FTO: variants seen among roughly 807,000 people sequenced by gnomAD.
FTO encodes the protein FTO alpha-ketoglutarate dependent dioxygenase.
A neutral mutation model predicts 63.9 loss-of-function variants in FTO; 47 were observed. That is an observed-to-expected ratio of 0.74 (90% confidence interval 0.58 to 0.94). FTO has a LOEUF of 0.94. Among genes scored for constraint, FTO ranks in the 40% least tolerant of loss-of-function variants. The pLI is 0.00. For missense variants in FTO, 562 were observed against 618.1 expected (o/e 0.91, Z 0.96); for synonymous variants, 207 against 224.4 (o/e 0.92, Z 0.69).
At chr16:53,844,545 C>T (rs897878223) in intron 4 of FTO, among the ~76,000 whole-genome samples, 1 of 152,068 alleles carries the variant, frequency 6.6e-6, no homozygotes, top group Admixed American at 6.5e-5. Flanking sequence ...TTGCCGTTTC[C>T]ACCTCCTGGA....
Position 54,121,844 on chromosome 16 carries a change from A to G in FTO, c.*9929A>G, listed in dbSNP as rs1599393238. ...GCTTCATACTCTGTGCTTATTACCC[A>G]GAAGCCCCGGCTCTTAGAGTTTCTA... is the stretch of plus-strand genomic sequence containing the variant. On this transcript the variant is annotated 3_prime_UTR_variant, in exon 9 of 9. Transcript: ENST00000471389. 1 of 152,188 alleles carries G rather than the reference A, an allele frequency of 6.6e-6. No homozygotes were observed. Among genetic ancestry groups the G allele is most frequent in the African/African-American group, 2.4e-5 (1 of 41,440 alleles). The allele number at this position is 152,188 out of a possible 1,614,324, so 9.4% of individuals were successfully genotyped here.
intron 8 of FTO, among the ~76,000 whole-genome samples, chr16:54,009,411 C>A (rs12600130): frequency 2.0e-5 from 3 of 152,040 alleles, no homozygotes; most frequent in Non-Finnish European, 4.4e-5. Flanking sequence ...AAAACTATAC[C>A]TGAATTTAAA....
chr16:53,914,478 T>C (rs2081807440), intron 7 of FTO, among the ~76,000 whole-genome samples: 2 of 152,184 alleles, frequency 1.3e-5, no homozygotes, highest in Admixed American at 1.3e-4. Flanking sequence ...TAAAGAATTG[T>C]ACTCTCTAAA....
intron 1 of FTO, among the ~76,000 whole-genome samples, chr16:53,710,419 C>T (rs2151463351): frequency 6.6e-6 from 1 of 152,122 alleles, no homozygotes; most frequent in East Asian, 1.9e-4. Context: ...ACACGTGCCA[C>T]CACACCCAGC....
At chr16:53,773,571 G>A (rs1431717025) in intron 1 of FTO, among the ~76,000 whole-genome samples, 1 of 152,036 alleles carries the variant, frequency 6.6e-6, no homozygotes, top group Non-Finnish European at 1.5e-5. Context: ...CACTAACAGG[G>A]GTACTTACCA....
At chr16:53,890,012 C>T (rs2081107081) in intron 7 of FTO, among the ~76,000 whole-genome samples, 1 of 152,134 alleles carries the variant, frequency 6.6e-6, no homozygotes, top group Non-Finnish European at 1.5e-5. Context: ...TCCTCGAGGT[C>T]ACCCAGCTAA....
intron 3 of FTO, among the ~76,000 whole-genome samples, chr16:53,835,848 T>C (rs1943124641): frequency 1.3e-5 from 2 of 152,082 alleles, no homozygotes; most frequent in South Asian, 4.1e-4. Flanking sequence ...TGTTTTTTAG[T>C]CTAATATCTG....
At chr16:53,866,188 A>C (rs76182350) in intron 4 of FTO, among the ~76,000 whole-genome samples, 2,135 of 152,200 alleles carry the variant, frequency 0.014, 47 homozygotes, top group African/African-American at 0.048. Context: ...TTGGTGTGAT[A>C]GATTATATTA....
chr16:54,035,608 G>A (rs1261075721), intron 8 of FTO, among the ~76,000 whole-genome samples: 18 of 152,130 alleles, frequency 1.2e-4, no homozygotes, highest in Non-Finnish European at 1.9e-4. Context: ...GGTGTGTCAC[G>A]CTGAGACCCA....
chr16:53,718,602 A>G (rs562141715), intron 1 of FTO, among the ~76,000 whole-genome samples: 157 of 151,878 alleles, frequency 1.0e-3, no homozygotes, highest in Non-Finnish European at 1.9e-3. Flanking sequence ...ATACTTCGGG[A>G]TTCTAGTATT....
intron 8 of FTO, among the ~76,000 whole-genome samples, chr16:54,015,383 T>C (rs2084418589): frequency 6.6e-6 from 1 of 152,214 alleles, no homozygotes; most frequent in African/African-American, 2.4e-5. Flanking sequence ...TGTTTTCATT[T>C]GGTAACAATT....
chr16:53,981,843 G>T (rs1234425993), intron 8 of FTO: 1 of 152,266 alleles, frequency 6.6e-6, no homozygotes, highest in Non-Finnish European at 1.5e-5. Context: ...CCTGGGAGGC[G>T]GAGGTTGCAG....
intron 1 of FTO, among the ~76,000 whole-genome samples, chr16:53,765,242 T>TA (rs1304556290): frequency 6.6e-6 from 1 of 151,932 alleles, no homozygotes. Flanking sequence ...AATATTCTAT[T>TA]AGAGGAAGAA....
chr16:53,932,575 A>C (rs1197183034), intron 7 of FTO, among the ~76,000 whole-genome samples: 1 of 151,994 alleles, frequency 6.6e-6, no homozygotes, highest in African/African-American at 2.4e-5. Context: ...TTTTTAGTAG[A>C]GATGGGGTTT....
intron 8 of FTO, among the ~76,000 whole-genome samples, chr16:54,057,630 AT>A (rs1173193200): frequency 8.2e-4 from 119 of 145,954 alleles, no homozygotes; most frequent in South Asian, 2.4e-3. Flanking sequence ...CGCCTGGCTA[AT>A]TTTTTTTTTT....
At chr16:53,793,112 A>G (rs2077970746) in intron 1 of FTO, among the ~76,000 whole-genome samples, 1 of 152,198 alleles carries the variant, frequency 6.6e-6, no homozygotes, top group South Asian at 2.1e-4. Flanking sequence ...AAAAGGGTCA[A>G]AAGAAGTTAG....
rs573107543 is a variant in FTO at position 53,797,025 on chromosome 16, G to A, written c.46-13115G>A. Among the ~76,000 whole-genome samples, 3 of 152,202 alleles carry A rather than the reference G, an allele frequency of 2.0e-5. No homozygotes were observed. The East Asian group carries it at 5.8e-4, about 29-fold the overall frequency. ...GCATTTTCTCGAATTTTGCATAAAT[G>A]GAATCAATCAAACAGTATGTGCTTT... On this transcript the variant is annotated intron_variant, in intron 1 of 8. Transcript: ENST00000471389.
At chr16:54,059,446 G>C (rs775509746) in intron 8 of FTO, among the ~76,000 whole-genome samples, 1 of 152,106 alleles carries the variant, frequency 6.6e-6, no homozygotes, top group Non-Finnish European at 1.5e-5. Context: ...TTTAGAACTC[G>C]TGAGGGGGTA....
At chr16:54,106,527 AATT>A (rs1272301121) in intron 8 of FTO, among the ~76,000 whole-genome samples, 1 of 135,040 alleles carries the variant, frequency 7.4e-6, no homozygotes, top group Non-Finnish European at 1.6e-5. Flanking sequence ...TTTATTATAT[AATT>A]ATTTTATATA....
Sources: gnomAD v4.1 joint callset for allele counts (sites outside exome capture counted in the v4.1 genomes callset) on GRCh38, gnomAD v4.1.1 for gene constraint, MANE v1.5 for transcripts, NCBI Gene and HGNC (gene_info 2026-07-23, HGNC 2026-07-21) for gene names.